The following SH3RF3 variants were observed in gnomAD, a reference collection of about 807,000 sequenced individuals.
SH3RF3 encodes the protein SH3 domain containing ring finger 3.
SH3RF3 carries 29 observed loss-of-function variants against 66.3 expected under a neutral mutation model. The ratio of observed to expected loss-of-function variants is 0.44; its 90% CI spans 0.33 to 0.60. SH3RF3 has a LOEUF of 0.60. SH3RF3 is among the 20% of genes least tolerant of loss of function. SH3RF3 has a pLI of 0.04. For missense variants in SH3RF3, 1,194 were observed against 1,190.9 expected (o/e 1.00, Z -0.04); for synonymous variants, 583 against 532.0 (o/e 1.10, Z -1.32).
chr2:109,468,768 C>T lies in SH3RF3; in HGVS notation c.2148+19279C>T, dbSNP rs567562607. On this transcript the variant is annotated intron_variant, in intron 8 of 9. Transcript: ENST00000309415. The stretch of plus-strand genomic sequence containing the variant: ...ACTCAGGAGGCTGAGGCAGGTTAAT[C>T]GCTTGAGCCTGGGAGGTGGAGTTTG... Among the ~76,000 whole-genome samples, 155 of 149,064 alleles carry T rather than the reference C, an allele frequency of 1.0e-3. 1 individual carries two copies. Among genetic ancestry groups the T allele is most frequent in the African/African-American group, 3.8e-3 (151 of 40,136 alleles).
At chr2:109,476,677 A>G (rs1399895681) in intron 8 of SH3RF3, among the ~76,000 whole-genome samples, 1 of 152,232 alleles carries the variant, frequency 6.6e-6, no homozygotes, top group East Asian at 1.9e-4. Context: ...TCCCGCAAGA[A>G]AGAATTCAGG....
chr2:109,277,401 A>T (rs1574545819), intron 1 of SH3RF3, among the ~76,000 whole-genome samples: 1 of 152,318 alleles, frequency 6.6e-6, no homozygotes, highest in East Asian at 1.9e-4. Context: ...GATGGAAATC[A>T]ACTTTGTGTT....
At chr2:109,151,474 A>G (rs914439672) in intron 1 of SH3RF3, among the ~76,000 whole-genome samples, 2 of 152,272 alleles carry the variant, frequency 1.3e-5, no homozygotes, top group South Asian at 4.1e-4. Context: ...TTTAATTTAA[A>G]AATTTCTGGT....
chr2:109,408,929 G>A (rs1189442535), intron 4 of SH3RF3, among the ~76,000 whole-genome samples: 2 of 152,222 alleles, frequency 1.3e-5, no homozygotes, highest in Admixed American at 6.5e-5. Context: ...GGCCATGAGC[G>A]GAGGCCATCC....
intron 1 of SH3RF3, among the ~76,000 whole-genome samples, chr2:109,179,174 G>A (rs951587313): frequency 7.2e-5 from 11 of 152,146 alleles, no homozygotes; most frequent in African/African-American, 2.2e-4. Flanking sequence ...AGAGAAATAC[G>A]TATCTTGCAG....
In SH3RF3 at chr2:109,449,128, A is replaced by G. The variant is rs767189943; in HGVS notation, c.1829-42A>G. On this transcript the variant is annotated intron_variant, in intron 7 of 9. Coordinates refer to ENST00000309415, the MANE Select transcript of SH3RF3 (RefSeq NM_001099289.3). ...TGCCTGGCAGGCATGGCAAGTTGCA[A>G]ACTAACCTTTCAACCTGCTGTCTCT... is the stretch of plus-strand genomic sequence containing the variant. 10 of 1,591,600 alleles carry G rather than the reference A, an allele frequency of 6.3e-6. No homozygotes were observed. The African/African-American group carries it at 8.1e-5, about 13-fold the overall frequency.
intron 1 of SH3RF3, among the ~76,000 whole-genome samples, chr2:109,277,899 G>A (rs958660157): frequency 6.6e-6 from 1 of 152,116 alleles, no homozygotes; most frequent in Non-Finnish European, 1.5e-5. Flanking sequence ...TTCAGGCCGG[G>A]TGTGGTGGCT....
chr2:109,331,251 C>A (rs1682275982), intron 1 of SH3RF3, among the ~76,000 whole-genome samples: 2 of 152,202 alleles, frequency 1.3e-5, no homozygotes, highest in Non-Finnish European at 2.9e-5. Flanking sequence ...CCCCCACCCG[C>A]CTGTCCCGCA....
At position 109,153,078 on chromosome 2, in the gene SH3RF3, T is replaced by A. The variant is rs563919409; in HGVS notation, c.573+22965T>A. 1.6e-3 allele frequency among the ~76,000 whole-genome samples: 247 copies of A among 152,290 alleles called. 2 individuals are homozygous for A. The highest frequency in any genetic ancestry group is 5.8e-3 in the African/African-American group (242 of 41,554). ...GGGACCATCTGCAAAGACAAGACAG[T>A]CACTGTGAAGCTTTTGTCAGAAAAC... On this transcript the variant is annotated intron_variant, in intron 1 of 9. Transcript: ENST00000309415.
intron 7 of SH3RF3, among the ~76,000 whole-genome samples, chr2:109,448,443 A>G (rs976508601): frequency 6.6e-6 from 1 of 152,168 alleles, no homozygotes; most frequent in African/African-American, 2.4e-5. Flanking sequence ...CTGTATTTAC[A>G]GCCCCTCCTC....
At chr2:109,498,642 C>A (rs999221038) in intron 9 of SH3RF3, among the ~76,000 whole-genome samples, 2 of 152,212 alleles carry the variant, frequency 1.3e-5, no homozygotes. Flanking sequence ...TTCCCTAGTT[C>A]ATTCCCCCTA....
At chr2:109,191,012 G>A (rs1231054430) in intron 1 of SH3RF3, among the ~76,000 whole-genome samples, 1 of 151,780 alleles carries the variant, frequency 6.6e-6, no homozygotes, top group Non-Finnish European at 1.5e-5. Context: ...TTTCTGTAAA[G>A]GGCCAGAGAG....
Position 109,436,856 on chromosome 2 carries a change from G to A in SH3RF3, c.1575-37G>A. 3 of 1,603,062 alleles carry A rather than the reference G, an allele frequency of 1.9e-6. No homozygotes were observed. In the East Asian group the frequency reaches 6.7e-5, roughly 36 times the overall value. ...GCCCACATGGCACGAATGCCTCTGA[G>A]CCTCTCATCAGAATTCCTTCTGCTT... On this transcript the variant is annotated intron_variant, in intron 6 of 9. Coordinates refer to ENST00000309415, the MANE Select transcript of SH3RF3 (RefSeq NM_001099289.3).
chr2:109,336,095 G>A (rs188910988), intron 1 of SH3RF3, among the ~76,000 whole-genome samples: 97 of 152,314 alleles, frequency 6.4e-4, no homozygotes, highest in Middle Eastern at 3.4e-3. Context: ...GGCAGGCCTA[G>A]TAAGCTCTTT....
intron 1 of SH3RF3, among the ~76,000 whole-genome samples, chr2:109,229,265 A>T (rs2105178330): frequency 6.6e-6 from 1 of 152,272 alleles, no homozygotes; most frequent in East Asian, 1.9e-4. Context: ...AGCAGTGGTG[A>T]GTAGAGTATG....
intron 3 of SH3RF3, among the ~76,000 whole-genome samples, chr2:109,395,029 T>A (rs1676103692): frequency 6.6e-6 from 1 of 152,336 alleles, no homozygotes; most frequent in East Asian, 1.9e-4. Flanking sequence ...CGGTGCCAAA[T>A]TCAGGCCCAG....
At chr2:109,230,651 G>A (rs776425347) in intron 1 of SH3RF3, among the ~76,000 whole-genome samples, 16 of 152,190 alleles carry the variant, frequency 1.1e-4, no homozygotes, top group South Asian at 4.1e-4. Flanking sequence ...GTGGGGTTAT[G>A]TCCTGATAAA....
chr2:109,411,332 T>C (rs547466995), intron 4 of SH3RF3, among the ~76,000 whole-genome samples: 29 of 152,352 alleles, frequency 1.9e-4, no homozygotes, highest in Non-Finnish European at 1.6e-4. Flanking sequence ...CCCCTTTCCC[T>C]GCAGTTAGTT....
chr2:109,179,218 C>A (rs1037445806), intron 1 of SH3RF3, among the ~76,000 whole-genome samples: 1 of 152,156 alleles, frequency 6.6e-6, no homozygotes, highest in Non-Finnish European at 1.5e-5. Context: ...AAATTAGGTT[C>A]TACTTCCTGT....
Sources: gnomAD v4.1 joint callset for allele counts (sites outside exome capture counted in the v4.1 genomes callset) on GRCh38, gnomAD v4.1.1 for gene constraint, MANE v1.5 for transcripts, NCBI Gene and HGNC (gene_info 2026-07-23, HGNC 2026-07-21) for gene names.